The following GAB2 variants were observed in gnomAD, a reference collection of about 807,000 sequenced individuals.
GAB2 encodes GRB2 associated binding protein 2.
In GAB2, 26 loss-of-function variants were observed where a neutral mutation model predicts 65.5. The ratio of observed to expected loss-of-function variants is 0.40; its 90% CI spans 0.29 to 0.55. GAB2 has a LOEUF of 0.55. GAB2 is among the 20% of genes least tolerant of loss of function. The pLI is 0.53. For synonymous variants in GAB2, 321 were observed against 329.6 expected, an observed-to-expected ratio of 0.97 and a Z score of 0.28; for missense variants, 884 against 875.8, an observed-to-expected ratio of 1.01 and a Z score of -0.12.
intron 1 of GAB2, among the ~76,000 whole-genome samples, chr11:78,348,485 G>A (rs1244182397): frequency 6.6e-6 from 1 of 152,146 alleles, no homozygotes; most frequent in Non-Finnish European, 1.5e-5. Flanking sequence ...TTGGCACATG[G>A]TGCTCAACAT....
intron 2 of GAB2, among the ~76,000 whole-genome samples, chr11:78,252,471 A>G (rs1014654333): frequency 1.3e-5 from 2 of 152,198 alleles, no homozygotes; most frequent in Admixed American, 6.5e-5. Flanking sequence ...AATACAAGCT[A>G]CTGCCTAAGA....
chr11:78,378,151 A>G lies in GAB2; in HGVS notation c.75+39495T>C, dbSNP rs188276446. Among the ~76,000 whole-genome samples, 44 of 152,304 alleles carry G rather than the reference A, an allele frequency of 2.9e-4. 1 individual carries two copies. The East Asian group carries it at 7.9e-3, about 27-fold the overall frequency. On this transcript the variant is annotated intron_variant, in intron 1 of 9. Transcript: ENST00000361507. ...CCTAGGATTTTAAATTTGGAGTTCT[A>G]AAAGTAAGGACCTTGCCTTTTAGGT...
chr11:78,285,463 T>A (rs1217654511), intron 1 of GAB2, among the ~76,000 whole-genome samples: 1 of 152,128 alleles, frequency 6.6e-6, no homozygotes, highest in Non-Finnish European at 1.5e-5. Flanking sequence ...CAACACCTTC[T>A]CTCCACTTCC....
chr11:78,384,723 C>T (rs1856743956), intron 1 of GAB2, among the ~76,000 whole-genome samples: 1 of 152,130 alleles, frequency 6.6e-6, no homozygotes, highest in Non-Finnish European at 1.5e-5. Flanking sequence ...TGGGTCTGTT[C>T]TAGAAAGAAT....
At chr11:78,272,731 C>G (rs2134569236) in intron 2 of GAB2, among the ~76,000 whole-genome samples, 1 of 152,262 alleles carries the variant, frequency 6.6e-6, no homozygotes, top group East Asian at 1.9e-4. Context: ...AATGTTAATC[C>G]CCAAGACAAT....
chr11:78,350,038 G>A (rs1206715606), intron 1 of GAB2, among the ~76,000 whole-genome samples: 1 of 152,044 alleles, frequency 6.6e-6, no homozygotes, highest in African/African-American at 2.4e-5. Flanking sequence ...CTTTGAGTTG[G>A]CTGTCTTGTG....
In GAB2 at chr11:78,217,824, G is replaced by A. The variant is rs1287887286; in HGVS notation, c.*1448C>T. 1 of 152,274 alleles carries A rather than the reference G, an allele frequency of 6.6e-6. No homozygotes were observed. Among genetic ancestry groups the A allele is most frequent in the Non-Finnish European group, 1.5e-5 (1 of 68,146 alleles). The allele number at this position is 152,274 out of a possible 1,614,324, so 9.4% of individuals were successfully genotyped here. ...CTGAGGAAACACTGGGCCGGCACCA[G>A]GCCAGACTCGTTCCTACCCTGCGAT... On this transcript the variant is annotated 3_prime_UTR_variant, in exon 10 of 10. Coordinates refer to ENST00000361507, the MANE Select transcript of GAB2 (RefSeq NM_080491.3).
At position 78,223,413 on chromosome 11, in the gene GAB2, T is replaced by C. The variant is rs775548222; in HGVS notation, c.1566A>G (p.Lys522=). The C allele has an allele frequency of 1.3e-6, 2 of 1,523,264 alleles. No homozygotes were observed. Among genetic ancestry groups the C allele is most frequent in the South Asian group, 2.6e-5 (2 of 76,570 alleles). The allele number at this position is 1,523,264 out of a possible 1,614,324, so 94.4% of individuals were successfully genotyped here. A position where few individuals can be genotyped will look rare whatever the true frequency, so the allele number is the denominator to read the frequency against. The change falls in exon 6 of 10, where the codon AAA becomes AAG. Residue 522 remains lysine (K), a splice_region_variant and synonymous_variant. Coordinates refer to ENST00000361507, the MANE Select transcript of GAB2 (RefSeq NM_080491.3). ...GGACAGGGGAAAGAATGGACTTACC[T>C]TTCCGATCAGGTTTGAGGTTGCGGT... The part of the protein sequence containing the change: ...PVNRNLKPDR[K]AKPTPLDLRN...
At chr11:78,345,234 C>T (rs1303864592) in intron 1 of GAB2, among the ~76,000 whole-genome samples, 2 of 152,014 alleles carry the variant, frequency 1.3e-5, no homozygotes, top group African/African-American at 4.8e-5. Flanking sequence ...AGTAGAGTAT[C>T]GCACCATTGA....
chr11:78,322,298 C>CAAAAAAAAAAAAAAAAAAAAAAAAAA (rs56709163), intron 1 of GAB2, among the ~76,000 whole-genome samples: 2 of 12,064 alleles, frequency 1.7e-4, no homozygotes, highest in East Asian at 1.2e-3. Context: ...GACTCTGTCT[C>CAAAAAAAAAAAAAAAAAAAAAAAAAA]AAAAAAAAAA....
chr11:78,246,948 A>G (rs1439445887), intron 3 of GAB2, among the ~76,000 whole-genome samples: 1 of 152,230 alleles, frequency 6.6e-6, no homozygotes, highest in African/African-American at 2.4e-5. Flanking sequence ...GTGTAGCCCA[A>G]GGTGATCCTA....
At chr11:78,239,245 G>C (rs1287346940) in intron 3 of GAB2, among the ~76,000 whole-genome samples, 2 of 150,690 alleles carry the variant, frequency 1.3e-5, no homozygotes, top group Non-Finnish European at 2.9e-5. Context: ...TTTTGAGATA[G>C]AGTCTTGCTC....
At chr11:78,332,104 AC>A (rs1855925805) in intron 1 of GAB2, among the ~76,000 whole-genome samples, 1 of 151,982 alleles carries the variant, frequency 6.6e-6, no homozygotes, top group Non-Finnish European at 1.5e-5. Context: ...AACAGAACAA[AC>A]CCCCTCCAAA....
At chr11:78,376,810 A>T (rs1193319016) in intron 1 of GAB2, among the ~76,000 whole-genome samples, 6 of 152,150 alleles carry the variant, frequency 3.9e-5, no homozygotes, top group African/African-American at 1.4e-4. Context: ...TGACTTAAAC[A>T]ACAGACTGAC....
intron 1 of GAB2, among the ~76,000 whole-genome samples, chr11:78,396,843 C>T (rs1242105737): frequency 1.3e-5 from 2 of 152,188 alleles, no homozygotes; most frequent in Admixed American, 6.5e-5. Context: ...GTGATCCACC[C>T]ACCTCAGCCT....
At chr11:78,397,506 G>C (rs762423910) in intron 1 of GAB2, among the ~76,000 whole-genome samples, 3 of 152,240 alleles carry the variant, frequency 2.0e-5, no homozygotes, top group Non-Finnish European at 4.4e-5. Flanking sequence ...TGATGAGGTG[G>C]ATGGTGCAGG....
chr11:78,414,733 G>C (rs1857172338), intron 1 of GAB2, among the ~76,000 whole-genome samples: 1 of 152,040 alleles, frequency 6.6e-6, no homozygotes, highest in Admixed American at 6.6e-5. Context: ...ATAGCAGATA[G>C]GTCTCTTATA....
intron 1 of GAB2, among the ~76,000 whole-genome samples, chr11:78,389,763 T>C (rs949607061): frequency 5.9e-5 from 9 of 152,184 alleles, no homozygotes; most frequent in Admixed American, 3.3e-4. Context: ...CAAAACAGAA[T>C]TGAGACACCA....
At chr11:78,307,732 T>C (rs1322053061) in intron 1 of GAB2, among the ~76,000 whole-genome samples, 1 of 152,186 alleles carries the variant, frequency 6.6e-6, no homozygotes, top group Non-Finnish European at 1.5e-5. Context: ...TAGGAGTTCA[T>C]GATATTCAAT....
Sources: allele counts gnomAD v4.1 joint callset (sites outside exome capture counted in the v4.1 genomes callset), GRCh38; gene constraint gnomAD v4.1.1; transcripts MANE v1.5; gene names NCBI Gene and HGNC (gene_info 2026-07-23, HGNC 2026-07-21).